SLC38A8: variants seen among roughly 807,000 people sequenced by gnomAD.
SLC38A8 encodes solute carrier family 38 member 8.
A neutral mutation model predicts 46.0 loss-of-function variants in SLC38A8; 65 were observed. The observed-to-expected ratio is 1.41, with a 90% CI of 1.16 to 1.74. SLC38A8 has a LOEUF of 1.74. Among genes scored for constraint, SLC38A8 ranks in the 40% most tolerant of loss-of-function variants. SLC38A8 has a pLI of 0.00. For synonymous variants in SLC38A8, 447 were observed against 243.7 expected, an observed-to-expected ratio of 1.83 and a Z score of -7.77; for missense variants, 998 against 567.9, an observed-to-expected ratio of 1.76 and a Z score of -7.70.
intron 4 of SLC38A8, among the ~76,000 whole-genome samples, chr16:84,032,939 C>G (rs1363408463): frequency 1.3e-5 from 1 of 79,836 alleles, no homozygotes; most frequent in African/African-American, 6.3e-5. Flanking sequence ...CGTGGGTGTG[C>G]ATGGGTGGGT....
intron 9 of SLC38A8, among the ~76,000 whole-genome samples, chr16:84,015,955 A>G (rs1006645739): frequency 2.0e-5 from 3 of 152,234 alleles, no homozygotes; most frequent in Non-Finnish European, 2.9e-5. Flanking sequence ...CTGGGATTAC[A>G]GGCGTGAGCC....
chr16:84,042,419 C>T (rs1296726298), intron 1 of SLC38A8, 132 bp downstream of exon 1: 5 of 362,250 alleles, frequency 1.4e-5, no homozygotes, highest in African/African-American at 6.2e-5. Flanking sequence ...CTCACCCCTT[C>T]CCCCTCCCTC....
At chr16:84,036,981 C>G in intron 2 of SLC38A8, 81 bp from the exon 3 acceptor site, 3 of 1,371,648 alleles carry the variant, frequency 2.2e-6, no homozygotes, top group Non-Finnish European at 3.0e-6. Flanking sequence ...CGGGCACACT[C>G]TCCACATGGC....
chr16:84,027,570 C>T (rs1334262627), intron 6 of SLC38A8, among the ~76,000 whole-genome samples: 1 of 152,180 alleles, frequency 6.6e-6, no homozygotes, highest in Non-Finnish European at 1.5e-5. Context: ...GTGACCGTCC[C>T]TTTCCTGCAG....
chr16:84,031,841 G>T (rs773272132), intron 5 of SLC38A8, 26 bp downstream of exon 5: 1 of 1,603,730 alleles, frequency 6.2e-7, no homozygotes, highest in South Asian at 1.1e-5. Flanking sequence ...CGCCGAGGCT[G>T]CCGGAAGCTG....
At chr16:84,014,629 A>T (rs1418162008) in intron 9 of SLC38A8, among the ~76,000 whole-genome samples, 1 of 152,234 alleles carries the variant, frequency 6.6e-6, no homozygotes, top group African/African-American at 2.4e-5. Flanking sequence ...GGGCAGAGCC[A>T]GGAGCAGAGT....
intron 6 of SLC38A8, among the ~76,000 whole-genome samples, chr16:84,027,032 C>G (rs1384247917): frequency 6.6e-6 from 1 of 152,176 alleles, no homozygotes; most frequent in Non-Finnish European, 1.5e-5. Flanking sequence ...TATATGCATC[C>G]TATCTCAATA....
At chr16:84,032,560 C>T (rs1296521382) in intron 4 of SLC38A8, among the ~76,000 whole-genome samples, 3 of 152,202 alleles carry the variant, frequency 2.0e-5, no homozygotes, top group Admixed American at 1.3e-4. Context: ...CCAGCAAAAG[C>T]TAATCAGCCA....
At position 84,036,742 on chromosome 16, in the gene SLC38A8, G is replaced by T; in HGVS notation, c.348C>A (p.Ser116=). 1 of 1,614,208 alleles carries T rather than the reference G, an allele frequency of 6.2e-7. No homozygotes were observed. Among genetic ancestry groups the T allele is most frequent in the Non-Finnish European group, 8.5e-7 (1 of 1,180,048 alleles). The change falls in exon 3 of 11, where the codon TCC becomes TCA. Residue 116 remains serine, a synonymous_variant. Coordinates refer to ENST00000299709, the MANE Select transcript of SLC38A8 (RefSeq NM_001080442.3). The stretch of plus-strand genomic sequence containing the variant: ...CCCCGATCACCCTGAGGAAGGCCAC[G>T]GAGATCATGAGCAGGTTGAGGAGGA... ...ACFLLNLLMI[S]VAFLRVIGDQ...
In SLC38A8 at chr16:84,009,804, C is replaced by G; in HGVS notation, c.1288G>C (p.Ala430Pro). 1 of 1,614,092 alleles carries G rather than the reference C, an allele frequency of 6.2e-7. No homozygotes were observed. Among genetic ancestry groups the G allele is most frequent in the Non-Finnish European group, 8.5e-7 (1 of 1,179,964 alleles). The change falls in exon 11 of 11, where the codon GCG becomes CCG. Residue 430 changes from alanine (A) to proline (P), a missense_variant. Transcript: ENST00000299709. Reference sequence around the variant, plus strand: ...GCCCATCAGAACATCTCCCAGACCGCTGCCGCCGTGCTCTGCCCAAAGATG... The same window carrying G: ...GCCCATCAGAACATCTCCCAGACCGGTGCCGCCGTGCTCTGCCCAAAGATG... ...TFIFGQSTAAAVWEMF is the reference protein window; with the variant it reads ...TFIFGQSTAAPVWEMF
intron 9 of SLC38A8, among the ~76,000 whole-genome samples, chr16:84,014,636 G>A (rs890945478): frequency 3.9e-5 from 6 of 152,248 alleles, no homozygotes; most frequent in African/African-American, 1.4e-4. Context: ...GCCAGGAGCA[G>A]AGTGGGTGGC....
chr16:84,039,165 A>C (rs913207195), intron 2 of SLC38A8, among the ~76,000 whole-genome samples: 2 of 152,152 alleles, frequency 1.3e-5, no homozygotes, highest in Non-Finnish European at 2.9e-5. Context: ...CAGGAGCTCG[A>C]AGAGCCTTTG....
intron 9 of SLC38A8, among the ~76,000 whole-genome samples, chr16:84,015,577 C>CA (rs1555552169): frequency 2.8e-4 from 42 of 152,148 alleles, no homozygotes; most frequent in South Asian, 8.3e-4. Flanking sequence ...GTGCCCCCGG[C>CA]GGGGGTTCAG....
At chr16:84,034,515 C>G (rs1241839649) in intron 3 of SLC38A8, among the ~76,000 whole-genome samples, 1 of 152,218 alleles carries the variant, frequency 6.6e-6, no homozygotes, top group South Asian at 2.1e-4. Flanking sequence ...GAGGTGGCCC[C>G]TGCAACCACT....
chr16:84,039,102 G>A (rs1031739492), intron 2 of SLC38A8, among the ~76,000 whole-genome samples: 1 of 152,182 alleles, frequency 6.6e-6, no homozygotes, highest in African/African-American at 2.4e-5. Context: ...AGAAGGGAAG[G>A]AGGCAGAGAT....
chr16:84,035,568 C>T (rs972476464), intron 3 of SLC38A8, among the ~76,000 whole-genome samples: 1 of 152,204 alleles, frequency 6.6e-6, no homozygotes, highest in African/African-American at 2.4e-5. Context: ...CCAAGCCATT[C>T]TCAGGCTGGT....
At chr16:84,042,993 T>A (rs1463251938), upstream of SLC38A8, among the ~76,000 whole-genome samples, 1 of 152,070 alleles carries the variant, frequency 6.6e-6, no homozygotes, top group African/African-American at 2.4e-5. Flanking sequence ...CATCCTCACA[T>A]ACCTCTCCAA....
chr16:84,038,069 G>A (rs764927740), intron 2 of SLC38A8, among the ~76,000 whole-genome samples: 26 of 151,926 alleles, frequency 1.7e-4, no homozygotes, highest in South Asian at 4.2e-4. Flanking sequence ...CCAGCACTTC[G>A]GGAGGCCAAG....
intron 6 of SLC38A8, among the ~76,000 whole-genome samples, chr16:84,025,645 C>T (rs2085154750): frequency 6.6e-6 from 1 of 152,174 alleles, no homozygotes; most frequent in Non-Finnish European, 1.5e-5. Context: ...AGCCACCAGG[C>T]CTCCCTCCAC....
Sources: gnomAD v4.1 joint callset for allele counts (sites outside exome capture counted in the v4.1 genomes callset) on GRCh38, gnomAD v4.1.1 for gene constraint, MANE v1.5 for transcripts, NCBI Gene and HGNC (gene_info 2026-07-23, HGNC 2026-07-21) for gene names.